The following CNBD2 variants were observed in gnomAD, a reference collection of about 807,000 sequenced individuals.
The protein encoded by CNBD2 is cyclic nucleotide binding domain containing 2.
In CNBD2, 64 loss-of-function variants were observed where a neutral mutation model predicts 63.7. That is an observed-to-expected ratio of 1.00 (90% confidence interval 0.82 to 1.24). The LOEUF is 1.24. Ranked by LOEUF, CNBD2 falls within the 50% of genes most tolerant of loss-of-function variation. The probability of loss-of-function intolerance (pLI) is 0.00; values close to 1 mark genes in which losing one functional copy is unlikely to be tolerated. For missense variants in CNBD2, 691 were observed against 713.5 expected, an observed-to-expected ratio of 0.97 and a Z score of 0.36; for synonymous variants, 229 against 255.4, an observed-to-expected ratio of 0.90 and a Z score of 0.99.
At chr20:35,968,881 T>A (rs1447864315) in intron 1 of CNBD2, 68 bp downstream of exon 1, 1 of 1,252,702 alleles carries the variant, frequency 8.0e-7, no homozygotes, top group Non-Finnish European at 1.1e-6. Flanking sequence ...TTGAGGAAGG[T>A]CGATGCAGGT....
chr20:35,954,986 T>G (rs1378003558), exon 1 of CNBD2: 2 of 190,606 alleles, frequency 1.0e-5, no homozygotes, highest in South Asian at 9.8e-5. Context: ...CCGGCCTTAC[T>G]GCGACGATGA....
chr20:36,020,685 T>C (rs1469604822), intron 10 of CNBD2, among the ~76,000 whole-genome samples: 1 of 152,154 alleles, frequency 6.6e-6, no homozygotes, highest in African/African-American at 2.4e-5. Flanking sequence ...TAAATTCATA[T>C]ATATATGTTT....
chr20:36,029,589 G>A (rs1457287508), intron 11 of CNBD2, among the ~76,000 whole-genome samples: 1 of 152,154 alleles, frequency 6.6e-6, no homozygotes, highest in Non-Finnish European at 1.5e-5. Flanking sequence ...TCATGAGCGG[G>A]TGGCAGCTGG....
At chr20:35,973,067 G>T (rs755701628) in intron 2 of CNBD2, 170 of 486,252 alleles carry the variant, frequency 3.5e-4, no homozygotes, top group Non-Finnish European at 5.7e-4. Context: ...ACTCATGGCA[G>T]GGAAAGGTGG....
At chr20:35,975,496 T>G in intron 2 of CNBD2, among the ~76,000 whole-genome samples, 1 of 142,588 alleles carries the variant, frequency 7.0e-6, no homozygotes. Context: ...GAGACGGGGT[T>G]TCACCTTGTT....
upstream of CNBD2, chr20:35,968,570 T>C (rs2056367153): frequency 9.7e-6 from 5 of 516,202 alleles, no homozygotes; most frequent in East Asian, 1.7e-4. Flanking sequence ...CCTTAGGAGA[T>C]TCTGAGAATG....
intron 4 of CNBD2, among the ~76,000 whole-genome samples, chr20:35,982,632 T>C (rs1315077962): frequency 6.6e-6 from 1 of 152,208 alleles, no homozygotes; most frequent in Non-Finnish European, 1.5e-5. Context: ...TCAAGTAGCC[T>C]GCACTGACAT....
At chr20:35,958,090 T>TA (rs1191060391), downstream of CNBD2, among the ~76,000 whole-genome samples, 1 of 152,234 alleles carries the variant, frequency 6.6e-6, no homozygotes, top group Non-Finnish European at 1.5e-5. Context: ...CTTGGATACT[T>TA]ATTTTCTTTT....
At chr20:36,021,089 C>G (rs774402051) in intron 10 of CNBD2, among the ~76,000 whole-genome samples, 24 of 152,300 alleles carry the variant, frequency 1.6e-4, no homozygotes, top group Non-Finnish European at 2.8e-4. Flanking sequence ...CACAGGCGAG[C>G]AATGGCCCAG....
intron 2 of CNBD2, among the ~76,000 whole-genome samples, chr20:35,961,758 C>T (rs2056310318): frequency 6.6e-6 from 1 of 152,144 alleles, no homozygotes; most frequent in Non-Finnish European, 1.5e-5. Flanking sequence ...CTCTTGGCTT[C>T]ATAGTGAAGC....
rs562269106 is a variant in CNBD2 at position 36,024,922 on chromosome 20, C to T, written c.1439+1151C>T. ...TGCACTCCAGCCTGGGCAACAAGGG[C>T]GAAATCTGTCTCAAACAAAAATAAT... On this transcript the variant is annotated intron_variant, in intron 11 of 11. Transcript: ENST00000373973. 1.2e-4 allele frequency among the ~76,000 whole-genome samples: 18 copies of T among 151,870 alleles called. 2 individuals carry two copies. Among genetic ancestry groups the T allele is most frequent in the African/African-American group, 7.2e-5 (3 of 41,416 alleles).
At chr20:36,000,870 T>G (rs1351482595) in intron 8 of CNBD2, among the ~76,000 whole-genome samples, 1 of 150,006 alleles carries the variant, frequency 6.7e-6, no homozygotes, top group Admixed American at 6.7e-5. Flanking sequence ...AGGTCTCTGG[T>G]TTTCCTAGGC....
Position 35,968,620 on chromosome 20 carries a change from G to A in CNBD2, c.-143G>A. 3.3e-6 allele frequency: 2 copies of A among 597,118 alleles called. No individual in the cohort carries two copies. Among genetic ancestry groups the A allele is most frequent in the South Asian group, 1.8e-5 (1 of 54,186 alleles). The allele number at this position is 597,118 out of a possible 1,614,324, so 37.0% of individuals were successfully genotyped here. On this transcript the variant is annotated 5_prime_UTR_variant, in exon 1 of 12. It introduces an in-frame stop codon into an upstream open reading frame of the 5' UTR. Transcript: ENST00000373973. ...AGGGCTTCCAGTAGCTGATGGTATGGTAGGAGGAGTGGAGTGGAGCTCTTG... is the reference window on the plus strand; with the variant it reads ...AGGGCTTCCAGTAGCTGATGGTATGATAGGAGGAGTGGAGTGGAGCTCTTG...
chr20:36,021,056 G>A (rs913174744), intron 10 of CNBD2, among the ~76,000 whole-genome samples: 5 of 152,144 alleles, frequency 3.3e-5, no homozygotes, highest in Non-Finnish European at 4.4e-5. Flanking sequence ...GAGACATGTC[G>A]ATAGATATTC....
At chr20:35,983,097 C>T (rs2056618233) in intron 4 of CNBD2, among the ~76,000 whole-genome samples, 1 of 151,166 alleles carries the variant, frequency 6.6e-6, no homozygotes, top group African/African-American at 2.4e-5. Flanking sequence ...TCCTGTAATC[C>T]CAGCACTTTG....
At position 35,984,621 on chromosome 20, in the gene CNBD2, C is replaced by A; in HGVS notation, c.565-6C>A. 6 of 1,613,790 alleles carry A rather than the reference C, an allele frequency of 3.7e-6. No individual in the cohort carries two copies. Among genetic ancestry groups the A allele is most frequent in the Non-Finnish European group, 5.1e-6 (6 of 1,179,876 alleles). ...CACACTTGCCCTTGCCCTGTCCACC[C>A]AACAGGAAATGGACGTTCTGCATGC... On this transcript the variant is annotated splice_polypyrimidine_tract_variant and splice_region_variant and intron_variant, in intron 5 of 11. Coordinates refer to ENST00000373973, the MANE Select transcript of CNBD2 (RefSeq NM_001365709.1).
At position 36,023,508 on chromosome 20, in the gene CNBD2, C is replaced by T. The variant is rs569100207; in HGVS notation, c.1270-94C>T. 381 of 1,182,282 alleles carry T rather than the reference C, an allele frequency of 3.2e-4. 1 individual carries two copies. The highest frequency in any genetic ancestry group is 5.6e-4 in the South Asian group (32 of 57,524). The allele number at this position is 1,182,282 out of a possible 1,614,324, so 73.2% of individuals were successfully genotyped here. On this transcript the variant is annotated intron_variant, in intron 10 of 11. Coordinates refer to ENST00000373973, the MANE Select transcript of CNBD2 (RefSeq NM_001365709.1). The stretch of plus-strand genomic sequence containing the variant: ...AGCCTGGGCAACAACAGCGAAACTC[C>T]GTCTCAAAAAAAAATAAAAGAAAAA...
chr20:36,021,742 C>T (rs1209714992), intron 10 of CNBD2, among the ~76,000 whole-genome samples: 3 of 152,224 alleles, frequency 2.0e-5, no homozygotes, highest in East Asian at 1.9e-4. Context: ...GGATTCTAGT[C>T]CTGGCTCTGC....
rs1283308791 is a variant in CNBD2, at chr20:36,030,523, A to G, written c.1606A>G (p.Ser536Gly). The G allele has an allele frequency of 6.2e-7, 1 of 1,614,222 alleles. No individual in the cohort carries two copies. Among genetic ancestry groups the G allele is most frequent in the Admixed American group, 1.7e-5 (1 of 60,018 alleles). Residue 536 changes from serine to glycine, a missense_variant, in exon 12 of 12, where the codon AGC becomes GGC. Ser to Gly is a moderately conservative substitution (Grantham distance 56, BLOSUM62 0). Transcript: ENST00000373973. ...TAAGTCTGTGGTCCTGGATTTGTGC[A>G]GCATCAACAAGACGACTAAACCTCG... ...NPKSVVLDLC[S>G]INKTTKPRYP...
Sources: gnomAD v4.1 joint callset for allele counts (sites outside exome capture counted in the v4.1 genomes callset) on GRCh38, gnomAD v4.1.1 for gene constraint, MANE v1.5 for transcripts, NCBI Gene and HGNC (gene_info 2026-07-23, HGNC 2026-07-21) for gene names.